The following ERGIC1 variants were observed in gnomAD, a reference collection of about 807,000 sequenced individuals.
ERGIC1 encodes endoplasmic reticulum-golgi intermediate compartment 1, also known as endoplasmic reticulum-Golgi intermediate compartment protein 1.
A neutral mutation model predicts 38.3 loss-of-function variants in ERGIC1; 19 were observed. The observed-to-expected ratio is 0.50, with a 90% CI of 0.35 to 0.73. ERGIC1 has a LOEUF of 0.73. Ranked by LOEUF, ERGIC1 falls within the 30% of genes least tolerant of loss-of-function variation. ERGIC1 has a pLI of 0.01. For synonymous variants in ERGIC1, 124 were observed against 157.6 expected, an observed-to-expected ratio of 0.79 and a Z score of 1.60; for missense variants, 294 against 389.2, an observed-to-expected ratio of 0.76 and a Z score of 2.06.
At chr5:172,849,973 T>C (rs949686491) in intron 1 of ERGIC1, among the ~76,000 whole-genome samples, 2 of 152,196 alleles carry the variant, frequency 1.3e-5, no homozygotes, top group African/African-American at 4.8e-5. Context: ...AAGTTGGGGC[T>C]TTTATTTGCC....
At position 172,846,317 on chromosome 5, in the gene ERGIC1, G is replaced by A. The variant is rs183985041; in HGVS notation, c.20+11884G>A. Among the ~76,000 whole-genome samples, 18 of 152,286 alleles carry A rather than the reference G, an allele frequency of 1.2e-4. No individual in the cohort carries two copies. Among genetic ancestry groups the A allele is most frequent in the South Asian group, 6.2e-4 (3 of 4,820 alleles). On this transcript the variant is annotated intron_variant, in intron 1 of 9. Coordinates refer to ENST00000393784, the MANE Select transcript of ERGIC1 (RefSeq NM_001031711.3). The surrounding 1 kb of genome is among the most constrained non-coding windows in gnomAD (Gnocchi z 4.0). ...GTGACTTAACAGCGCCTCTTTCTGC[G>A]CTGTCTGTGCAGGACGCCCAGCACT...
intron 9 of ERGIC1, among the ~76,000 whole-genome samples, chr5:172,943,548 G>C (rs1342276676): frequency 2.6e-5 from 4 of 152,152 alleles, no homozygotes; most frequent in Non-Finnish European, 4.4e-5. Context: ...TGACTGAACG[G>C]GGAAAGTGAC....
chr5:172,924,457 G>T (rs536872055), intron 6 of ERGIC1, among the ~76,000 whole-genome samples: 1 of 152,212 alleles, frequency 6.6e-6, no homozygotes, highest in Non-Finnish European at 1.5e-5. Flanking sequence ...AGCTGAGAGG[G>T]CCCAGAGCAC....
intron 9 of ERGIC1, among the ~76,000 whole-genome samples, chr5:172,947,938 G>T (rs896220004): frequency 6.6e-6 from 1 of 150,722 alleles, no homozygotes; most frequent in African/African-American, 2.5e-5. Flanking sequence ...TTGCTTCATT[G>T]CACGTAAGTC....
chr5:172,921,782 C>A (rs1246146929), intron 5 of ERGIC1, among the ~76,000 whole-genome samples: 4 of 152,186 alleles, frequency 2.6e-5, no homozygotes, highest in African/African-American at 9.7e-5. Context: ...TTAGACAGCC[C>A]ACATGCTGGG....
chr5:172,929,029 C>T (rs577919067), intron 7 of ERGIC1, among the ~76,000 whole-genome samples: 2 of 152,136 alleles, frequency 1.3e-5, no homozygotes, highest in African/African-American at 2.4e-5. Context: ...AGAAACTTTC[C>T]TATATCAAAT....
intron 1 of ERGIC1, among the ~76,000 whole-genome samples, chr5:172,886,354 C>A (rs928739069): frequency 1.3e-5 from 2 of 152,138 alleles, no homozygotes; most frequent in East Asian, 1.9e-4. Context: ...TCTTCTCCCC[C>A]TCCTGCTCTG....
intron 1 of ERGIC1, among the ~76,000 whole-genome samples, chr5:172,848,610 A>T (rs1393843974): frequency 2.0e-5 from 3 of 152,116 alleles, no homozygotes; most frequent in Non-Finnish European, 4.4e-5. Context: ...ATGGAGTCTG[A>T]GTCCTCGAGA....
At chr5:172,878,648 T>A (rs1398200808) in intron 1 of ERGIC1, among the ~76,000 whole-genome samples, 1 of 152,146 alleles carries the variant, frequency 6.6e-6, no homozygotes, top group African/African-American at 2.4e-5. Context: ...TTTTTTCCTT[T>A]GGACAGAGGG....
chr5:172,910,523 T>C (rs1763179196), intron 4 of ERGIC1, among the ~76,000 whole-genome samples: 1 of 24,586 alleles, frequency 4.1e-5, no homozygotes, highest in South Asian at 1.1e-3. Context: ...ATTACTTCTT[T>C]TTTTTTTTTT....
chr5:172,938,147 A>C (rs1354452423), intron 9 of ERGIC1: 1 of 152,236 alleles, frequency 6.6e-6, no homozygotes, highest in East Asian at 1.9e-4. Flanking sequence ...CCAAAAAATC[A>C]GGGGATTTGT....
rs1365618770 is a variant in ERGIC1 at position 172,834,802 on chromosome 5, G to C, written c.20+369G>C. On this transcript the variant is annotated intron_variant, in intron 1 of 9. Coordinates refer to ENST00000393784, the MANE Select transcript of ERGIC1 (RefSeq NM_001031711.3). The surrounding 1 kb of genome is among the most constrained non-coding windows in gnomAD (Gnocchi z 4.1). ...CTCCTCCCTCTACTGAGCCTCCTTG[G>C]TGGACCCCACCTCAGCTGACAGGTG... Among the ~76,000 whole-genome samples the C allele has an allele frequency of 6.6e-6, 1 of 152,152 alleles. No individual in the cohort carries two copies. Among genetic ancestry groups the C allele is most frequent in the Non-Finnish European group, 1.5e-5 (1 of 68,016 alleles).
intron 4 of ERGIC1, among the ~76,000 whole-genome samples, chr5:172,911,616 C>CA (rs1581567019): frequency 1.3e-5 from 2 of 152,242 alleles, no homozygotes; most frequent in East Asian, 3.9e-4. Flanking sequence ...TTCTGGAAAA[C>CA]ACAGGGAAGC....
At chr5:172,883,068 G>A (rs541006523) in intron 1 of ERGIC1, among the ~76,000 whole-genome samples, 1 of 152,236 alleles carries the variant, frequency 6.6e-6, no homozygotes, top group East Asian at 1.9e-4. Flanking sequence ...GAGTAACTGG[G>A]ATTATAGGCA....
intron 1 of ERGIC1, among the ~76,000 whole-genome samples, chr5:172,883,125 A>T (rs1438537824): frequency 6.6e-6 from 1 of 152,118 alleles, no homozygotes; most frequent in African/African-American, 2.4e-5. Context: ...ATGTTTTTTT[A>T]AATTTCCATT....
In ERGIC1 at chr5:172,926,160, G is replaced by C. The variant is rs1427475117; in HGVS notation, c.481-349G>C. Among the ~76,000 whole-genome samples the C allele has an allele frequency of 6.6e-6, 1 of 152,208 alleles. No homozygotes were observed. The highest frequency in any genetic ancestry group is 1.9e-4 in the East Asian group (1 of 5,196). On this transcript the variant is annotated intron_variant, in intron 6 of 9. Transcript: ENST00000393784. The surrounding 1 kb of genome is among the most constrained non-coding windows in gnomAD (Gnocchi z 5.2). ...AGTGTCAGACAGACCTGATTTCAGA[G>C]TTTAGCTTAGCCACTTACCAGCCGG...
chr5:172,890,734 A>C (rs902855919), intron 2 of ERGIC1, among the ~76,000 whole-genome samples: 1 of 152,212 alleles, frequency 6.6e-6, no homozygotes, highest in African/African-American at 2.4e-5. Flanking sequence ...TGCACCCCAC[A>C]AGCCCCCCTA....
intron 3 of ERGIC1, chr5:172,906,259 G>A (rs1049896321): frequency 9.0e-6 from 4 of 443,356 alleles, no homozygotes; most frequent in Non-Finnish European, 1.8e-5. Context: ...CCCTGATGCT[G>A]AGGAGAGGGC....
In ERGIC1 at chr5:172,926,031, A is replaced by G. The variant is rs1329473882; in HGVS notation, c.481-478A>G. On this transcript the variant is annotated intron_variant, in intron 6 of 9. Transcript: ENST00000393784. The surrounding 1 kb of genome is among the most constrained non-coding windows in gnomAD (Gnocchi z 5.2). Reference sequence around the variant, plus strand: ...GGGGCATCCCTGCCTGGACTCCTCTATGGGCCTTTCAGAGGACCCTGGGAT... The same window carrying G: ...GGGGCATCCCTGCCTGGACTCCTCTGTGGGCCTTTCAGAGGACCCTGGGAT... Among the ~76,000 whole-genome samples the G allele has an allele frequency of 2.0e-5, 3 of 152,094 alleles. No individual in the cohort carries two copies. The highest frequency in any genetic ancestry group is 3.8e-4 in the East Asian group (2 of 5,196).
Sources: gnomAD v4.1 joint callset for allele counts (sites outside exome capture counted in the v4.1 genomes callset) on GRCh38, gnomAD v4.1.1 for gene constraint, Gnocchi (gnomAD v3.1) non-coding constraint, MANE v1.5 for transcripts, NCBI Gene and HGNC (gene_info 2026-07-23, HGNC 2026-07-21) for gene names.